ARMC9: variants seen among roughly 807,000 people sequenced by gnomAD.
ARMC9 encodes armadillo repeat containing 9.
In ARMC9, 94 loss-of-function variants were observed where a neutral mutation model predicts 107.0. That is an observed-to-expected ratio of 0.88 (90% confidence interval 0.74 to 1.04). The LOEUF (loss-of-function observed/expected upper bound fraction) is 1.04, where lower values mean the gene tolerates loss of function less well. Ranked by LOEUF, ARMC9 falls within the 50% of genes least tolerant of loss-of-function variation. ARMC9 has a pLI of 0.00. For synonymous variants in ARMC9, 380 were observed against 396.9 expected (o/e 0.96, Z 0.51); for missense variants, 942 against 1,030.1 (o/e 0.91, Z 1.17).
chr2:231,365,054 C>T (rs1158480945), intron 23 of ARMC9, among the ~76,000 whole-genome samples: 2 of 152,212 alleles, frequency 1.3e-5, no homozygotes, highest in Non-Finnish European at 1.5e-5. Flanking sequence ...CCTCCATCCT[C>T]CCAGCATGGT....
chr2:231,256,199 A>G lies in ARMC9; in HGVS notation c.880-387A>G, dbSNP rs1352052794. The G allele has an allele frequency of 9.1e-6, 14 of 1,536,076 alleles. 1 individual carries two copies. The Middle Eastern group carries it at 6.9e-4, about 76-fold the overall frequency. Reference sequence around the variant, plus strand: ...GTGCACGCAGGTGCGCGTGGAATTCATGGACGACACGAGCCGATCCATCAT... The same window carrying G: ...GTGCACGCAGGTGCGCGTGGAATTCGTGGACGACACGAGCCGATCCATCAT... On this transcript the variant is annotated intron_variant, in intron 9 of 24. Coordinates refer to ENST00000611582, the MANE Select transcript of ARMC9 (RefSeq NM_001352754.2).
At chr2:231,365,211 C>T (rs566752451) in intron 23 of ARMC9, among the ~76,000 whole-genome samples, 6 of 152,252 alleles carry the variant, frequency 3.9e-5, no homozygotes, top group Non-Finnish European at 5.9e-5. Context: ...GGGGAAGTCA[C>T]GTGCCGCAGA....
intron 8 of ARMC9, among the ~76,000 whole-genome samples, chr2:231,239,016 A>G (rs768869): frequency 0.12 from 17,988 of 152,164 alleles, 2,077 homozygotes; most frequent in African/African-American, 0.29. Context: ...AGCCGCTTCT[A>G]CTGCCATATG....
At position 231,235,401 on chromosome 2, in the gene ARMC9, G is replaced by T; in HGVS notation, c.780+20G>T. Reference sequence around the variant, plus strand: ...AAGATGGTAAGGAAGATCCCTAATTGTGTGTATGTCTGTTTGGCAATGAAG... The same window carrying T: ...AAGATGGTAAGGAAGATCCCTAATTTTGTGTATGTCTGTTTGGCAATGAAG... On this transcript the variant is annotated intron_variant, in intron 8 of 24. Transcript: ENST00000611582. 1 of 1,613,812 alleles carries T rather than the reference G, an allele frequency of 6.2e-7. No homozygotes were observed. The highest frequency in any genetic ancestry group is 1.1e-5 in the South Asian group (1 of 91,000).
chr2:231,308,794 G>A (rs935049576), intron 19 of ARMC9, among the ~76,000 whole-genome samples: 1 of 152,138 alleles, frequency 6.6e-6, no homozygotes, highest in Non-Finnish European at 1.5e-5. Flanking sequence ...ACCTTCATAC[G>A]TGACCTGTGA....
intron 3 of ARMC9, among the ~76,000 whole-genome samples, chr2:231,209,638 C>T (rs1356131779): frequency 2.0e-5 from 3 of 152,072 alleles, no homozygotes; most frequent in African/African-American, 4.8e-5. Flanking sequence ...TGGGTTCAAG[C>T]GATTCTCCTG....
At chr2:231,294,775 A>G (rs1044126787) in intron 18 of ARMC9, 1 of 152,286 alleles carries the variant, frequency 6.6e-6, no homozygotes, top group Non-Finnish European at 1.5e-5. Context: ...GGAATGGTGT[A>G]TGCTGTTGGT....
chr2:231,280,045 CATCT>C (rs925613677), intron 16 of ARMC9, among the ~76,000 whole-genome samples: 2 of 152,152 alleles, frequency 1.3e-5, no homozygotes, highest in African/African-American at 4.8e-5. Context: ...CATATTCTTC[CATCT>C]CATAATAAAG....
At chr2:231,262,527 A>C in intron 12 of ARMC9, 129 bp downstream of exon 12, 3 of 907,450 alleles carry the variant, frequency 3.3e-6, no homozygotes, top group Non-Finnish European at 5.2e-6. Context: ...CCTTGAGCTC[A>C]TGAGGTTCTG....
At chr2:231,275,135 G>A (rs1332245083) in intron 14 of ARMC9, among the ~76,000 whole-genome samples, 1 of 152,056 alleles carries the variant, frequency 6.6e-6, no homozygotes, top group African/African-American at 2.4e-5. Flanking sequence ...TAACCTTTTT[G>A]CAGTTTTCCA....
intron 12 of ARMC9, among the ~76,000 whole-genome samples, chr2:231,268,048 A>G (rs923436885): frequency 6.6e-6 from 1 of 152,198 alleles, no homozygotes; most frequent in Non-Finnish European, 1.5e-5. Flanking sequence ...CACAGCAGAG[A>G]CCCTGGGTGA....
intron 5 of ARMC9, among the ~76,000 whole-genome samples, chr2:231,220,471 C>A (rs1347045756): frequency 6.6e-6 from 1 of 151,986 alleles, no homozygotes; most frequent in South Asian, 2.1e-4. Context: ...GTGGCTAATG[C>A]CTGTAATCCC....
At chr2:231,236,772 C>T (rs958054378) in intron 8 of ARMC9, among the ~76,000 whole-genome samples, 7 of 152,102 alleles carry the variant, frequency 4.6e-5, no homozygotes, top group African/African-American at 1.2e-4. Flanking sequence ...GGCGAAACCC[C>T]GTCTCTACTA....
intron 7 of ARMC9, among the ~76,000 whole-genome samples, chr2:231,234,685 C>T (rs1226458419): frequency 6.6e-6 from 1 of 152,118 alleles, no homozygotes; most frequent in Non-Finnish European, 1.5e-5. Context: ...CTCACTGCAA[C>T]TGCTGCCTCC....
At chr2:231,336,739 G>A (rs905011157) in intron 20 of ARMC9, among the ~76,000 whole-genome samples, 20 of 152,226 alleles carry the variant, frequency 1.3e-4, no homozygotes, top group Non-Finnish European at 1.0e-4. Flanking sequence ...CACATCCAGA[G>A]AATCTGAGGC....
intron 19 of ARMC9, among the ~76,000 whole-genome samples, chr2:231,299,804 A>G (rs1264087170): frequency 6.6e-6 from 1 of 152,182 alleles, no homozygotes; most frequent in Admixed American, 6.5e-5. Context: ...TTTCTAAACC[A>G]CTTATACTTT....
chr2:231,291,642 G>A (rs1048757077), intron 18 of ARMC9, among the ~76,000 whole-genome samples, 199 bp downstream of exon 18: 6 of 151,664 alleles, frequency 4.0e-5, no homozygotes, highest in South Asian at 2.1e-4. Context: ...ATGGTGAAAC[G>A]CTGTCTCTAC....
At chr2:231,350,622 CA>C (rs111301618) in intron 21 of ARMC9, among the ~76,000 whole-genome samples, 2,605 of 97,026 alleles carry the variant, frequency 0.027, 78 homozygotes, top group African/African-American at 0.12. Context: ...ACCCTTGTCT[CA>C]AAAAAAAAAA....
chr2:231,242,980 C>G (rs2036434780), intron 9 of ARMC9, among the ~76,000 whole-genome samples: 1 of 152,098 alleles, frequency 6.6e-6, no homozygotes, highest in African/African-American at 2.4e-5. Context: ...GGCGTGGTGG[C>G]TCACGCCTGT....
Sources: allele counts gnomAD v4.1 joint callset (sites outside exome capture counted in the v4.1 genomes callset), GRCh38; gene constraint gnomAD v4.1.1; transcripts MANE v1.5; gene names NCBI Gene and HGNC (gene_info 2026-07-23, HGNC 2026-07-21).